Variants in CATSPERT observed in about 807,000 individuals in gnomAD.
CATSPERT encodes catsper channel auxiliary subunit tau.
the CATSPERT span, chr2:201,557,636 G>T: frequency 1.3e-5 from 2 of 152,152 alleles, no homozygotes; most frequent in African/African-American, 4.8e-5. Flanking sequence ...GTTGTAGCAG[G>T]ATTTTCCTAT....
At chr2:201,567,647 T>C in the CATSPERT span, among the ~76,000 whole-genome samples, 1 of 152,132 alleles carries the variant, frequency 6.6e-6, no homozygotes, top group Non-Finnish European at 1.5e-5. Context: ...AGTTCAAAGA[T>C]AGGCGGGAGG....
chr2:201,502,137 G>A, the CATSPERT span, among the ~76,000 whole-genome samples: 1 of 152,182 alleles, frequency 6.6e-6, no homozygotes, highest in African/African-American at 2.4e-5. Context: ...CAGTGCTGCT[G>A]TACTTAGGAG....
At chr2:201,564,732 G>T in the CATSPERT span, among the ~76,000 whole-genome samples, 1 of 152,094 alleles carries the variant, frequency 6.6e-6, no homozygotes, top group South Asian at 2.1e-4. Flanking sequence ...TTGCAAACCA[G>T]GAAGAGGGCC....
At chr2:201,547,623 ATAAGT>A in the CATSPERT span, 1 of 1,396,026 alleles carries the variant, frequency 7.2e-7, no homozygotes, top group Non-Finnish European at 9.7e-7. Context: ...AAAGAAAGAA[ATAAGT>A]TATGAATGAA....
At chr2:201,493,117 A>T in the CATSPERT span, 1 of 1,527,394 alleles carries the variant, frequency 6.5e-7, no homozygotes, top group African/African-American at 1.4e-5. Flanking sequence ...AACATTGAAG[A>T]TGTTTTTTAA....
the CATSPERT span, chr2:201,535,693 G>C: frequency 1.6e-6 from 2 of 1,241,514 alleles, no homozygotes; most frequent in South Asian, 7.1e-5. Flanking sequence ...ATTGATATAA[G>C]TAAAGCAGGA....
the CATSPERT span, among the ~76,000 whole-genome samples, chr2:201,532,074 A>T: frequency 6.6e-6 from 1 of 152,196 alleles, no homozygotes. Flanking sequence ...ACAGTGGTGG[A>T]TTTCAGATAC....
At chr2:201,519,006 A>G in the CATSPERT span, among the ~76,000 whole-genome samples, 3 of 152,208 alleles carry the variant, frequency 2.0e-5, no homozygotes, top group African/African-American at 7.2e-5. Context: ...ATATAACACA[A>G]TAACTCCTCA....
the CATSPERT span, among the ~76,000 whole-genome samples, chr2:201,600,595 A>T: frequency 3.9e-5 from 6 of 152,276 alleles, no homozygotes; most frequent in East Asian, 9.6e-4. Context: ...TAAAAAAAAT[A>T]AAAAACTGTC....
chr2:201,559,629 T>C, the CATSPERT span, among the ~76,000 whole-genome samples: 8 of 152,292 alleles, frequency 5.3e-5, no homozygotes, highest in South Asian at 2.1e-4. Flanking sequence ...CTACAGACTC[T>C]CTCAGCCTAG....
the CATSPERT span, among the ~76,000 whole-genome samples, chr2:201,618,022 C>A: frequency 6.6e-6 from 1 of 152,138 alleles, no homozygotes; most frequent in Admixed American, 6.5e-5. Flanking sequence ...CCATCTCACA[C>A]CAGTTAGAAT....
the CATSPERT span, among the ~76,000 whole-genome samples, chr2:201,585,215 C>G: frequency 6.6e-6 from 1 of 151,816 alleles, no homozygotes; most frequent in Non-Finnish European, 1.5e-5. Context: ...AGGGGAACAT[C>G]ACACACCAGG....
chr2:201,591,196 T>A, the CATSPERT span, among the ~76,000 whole-genome samples: 1 of 152,112 alleles, frequency 6.6e-6, no homozygotes, highest in Non-Finnish European at 1.5e-5. Context: ...TTCAGCTTTC[T>A]ACATATGGCT....
At chr2:201,491,382 C>T in the CATSPERT span, 1 of 1,536,942 alleles carries the variant, frequency 6.5e-7, no homozygotes, top group Non-Finnish European at 8.7e-7. Context: ...TCAAGTTTTT[C>T]TCATCTTCTA....
chr2:201,500,203 T>C, the CATSPERT span, among the ~76,000 whole-genome samples: 1 of 152,176 alleles, frequency 6.6e-6, no homozygotes, highest in South Asian at 2.1e-4. Context: ...CTTAACTCTC[T>C]CTTCTGAGTG....
At chr2:201,603,327 C>G in the CATSPERT span, 3 of 1,532,012 alleles carry the variant, frequency 2.0e-6, no homozygotes, top group Non-Finnish European at 2.7e-6. Flanking sequence ...AAAAAGTTAA[C>G]TGTTCTTTCA....
the CATSPERT span, among the ~76,000 whole-genome samples, chr2:201,556,588 A>T: frequency 6.6e-6 from 1 of 152,054 alleles, no homozygotes; most frequent in South Asian, 2.1e-4. Flanking sequence ...GCACTTTGAG[A>T]GCCCAAGGCA....
the CATSPERT span, chr2:201,537,593 TAAATC>T: frequency 2.9e-5 from 23 of 795,832 alleles, 1 homozygote; most frequent in South Asian, 3.1e-4. Flanking sequence ...AAGAGCAACT[TAAATC>T]AAAGCAGCTA....
At chr2:201,561,320 A>T in the CATSPERT span, among the ~76,000 whole-genome samples, 2 of 152,344 alleles carry the variant, frequency 1.3e-5, no homozygotes, top group Non-Finnish European at 2.9e-5. Flanking sequence ...AAAATCAAAT[A>T]ATGCATTATT....
Sources: allele counts gnomAD v4.1 joint callset (sites outside exome capture counted in the v4.1 genomes callset), GRCh38; gene constraint gnomAD v4.1.1; transcripts MANE v1.5; gene names NCBI Gene and HGNC (gene_info 2026-07-23, HGNC 2026-07-21).